Variants in APBB2 observed in about 807,000 individuals in gnomAD.
APBB2 encodes Fe65-like 1.
APBB2 carries 38 observed loss-of-function variants against 82.5 expected under a neutral mutation model. The observed-to-expected ratio is 0.46, with a 90% CI of 0.36 to 0.60. The LOEUF is 0.60. APBB2 is among the 20% of genes least tolerant of loss of function. APBB2 has a pLI of 0.00. For synonymous variants in APBB2, 341 were observed against 368.2 expected (o/e 0.93, Z 0.85); for missense variants, 772 against 972.3 (o/e 0.79, Z 2.74).
chr4:41,195,454 C>T, intron 1 of APBB2, among the ~76,000 whole-genome samples: 17 of 150,928 alleles, frequency 1.1e-4, no homozygotes, highest in Non-Finnish European at 1.9e-4. Flanking sequence ...TTTCTTGCCA[C>T]TTCCACTGCT....
chr4:40,905,039 G>T (rs913736657), intron 10 of APBB2, among the ~76,000 whole-genome samples: 9 of 152,050 alleles, frequency 5.9e-5, no homozygotes, highest in African/African-American at 2.2e-4. Flanking sequence ...ATTTTTCAGA[G>T]CAAGACACAT....
intron 1 of APBB2, among the ~76,000 whole-genome samples, chr4:41,212,516 TC>T (rs1485681665): frequency 6.6e-6 from 1 of 152,162 alleles, no homozygotes; most frequent in East Asian, 1.9e-4. Context: ...TCACATTGGC[TC>T]CTTGAAGGTG....
chr4:40,826,043 A>G lies in APBB2; in HGVS notation c.1733-73T>C, dbSNP rs1048742948. 1 of 1,134,588 alleles carries G rather than the reference A, an allele frequency of 8.8e-7. No individual in the cohort carries two copies. The highest frequency in any genetic ancestry group is 1.3e-6 in the Non-Finnish European group (1 of 743,214). The allele number at this position is 1,134,588 out of a possible 1,614,324, so 70.3% of individuals were successfully genotyped here. ...ATGTACACAACAGCCGTGGCTCTGC[A>G]TCATCTGAATGCTCAGGACACGCCC... On this transcript the variant is annotated intron_variant, in intron 14 of 17. Transcript: ENST00000508593. The surrounding 1 kb of genome is among the most constrained non-coding windows in gnomAD (Gnocchi z 4.5).
chr4:41,119,620 A>G (rs1379127549), intron 2 of APBB2, among the ~76,000 whole-genome samples: 1 of 151,952 alleles, frequency 6.6e-6, no homozygotes, highest in African/African-American at 2.4e-5. Context: ...CAGAACTTCA[A>G]GCGTCTGTCT....
At chr4:41,004,107 C>T (rs1464583473) in intron 6 of APBB2, among the ~76,000 whole-genome samples, 1 of 151,554 alleles carries the variant, frequency 6.6e-6, no homozygotes, top group East Asian at 1.9e-4. Context: ...TCAGTAGACA[C>T]AGGGTTTCAC....
intron 12 of APBB2, chr4:40,848,980 G>C (rs1247332385): frequency 2.3e-6 from 2 of 854,512 alleles, no homozygotes; most frequent in East Asian, 2.4e-4. Flanking sequence ...CTTTCTGCCT[G>C]TTCACTTACC....
chr4:40,984,647 G>A (rs1388747228), intron 6 of APBB2, among the ~76,000 whole-genome samples: 2 of 152,156 alleles, frequency 1.3e-5, no homozygotes, highest in Non-Finnish European at 2.9e-5. Context: ...GAACCCTCAA[G>A]GAGTGGAGTA....
At position 41,158,354 on chromosome 4, in the gene APBB2, A is replaced by G. The variant is rs115647194; in HGVS notation, c.-416-15212T>C. Among the ~76,000 whole-genome samples the G allele has an allele frequency of 9.6e-3, 1,457 of 152,328 alleles. 33 individuals are homozygous for G. Among genetic ancestry groups the G allele is most frequent in the African/African-American group, 0.034 (1,402 of 41,572 alleles). On this transcript the variant is annotated intron_variant, in intron 1 of 17. Coordinates refer to ENST00000508593, the MANE Select transcript of APBB2 (RefSeq NM_004307.2). Reference sequence around the variant, plus strand: ...TCAGAAAAGGATTCCTATTTCTCTAAGAGTTTATGTCTAAGAGGCTATGCC... The same window carrying G: ...TCAGAAAAGGATTCCTATTTCTCTAGGAGTTTATGTCTAAGAGGCTATGCC...
intron 12 of APBB2, among the ~76,000 whole-genome samples, chr4:40,846,932 A>C (rs1250420536): frequency 6.6e-6 from 1 of 152,108 alleles, no homozygotes; most frequent in Non-Finnish European, 1.5e-5. Flanking sequence ...GTGCTATATC[A>C]CAGATTAAAA....
At chr4:41,162,490 C>T (rs970435910) in intron 1 of APBB2, among the ~76,000 whole-genome samples, 2 of 152,160 alleles carry the variant, frequency 1.3e-5, no homozygotes, top group African/African-American at 2.4e-5. Context: ...CTTAGACTCA[C>T]CCATATGCAT....
intron 4 of APBB2, among the ~76,000 whole-genome samples, chr4:41,057,080 A>G (rs995257739): frequency 1.3e-5 from 2 of 152,250 alleles, no homozygotes; most frequent in Admixed American, 1.3e-4. Flanking sequence ...ATGGAATCCC[A>G]TGGACTTAAG....
chr4:41,135,680 G>A (rs1295262881), intron 2 of APBB2, among the ~76,000 whole-genome samples: 1 of 151,988 alleles, frequency 6.6e-6, no homozygotes, highest in Non-Finnish European at 1.5e-5. Context: ...AGCTGTTAAA[G>A]AAAACCTATA....
chr4:40,922,666 A>G (rs1283164440), intron 10 of APBB2, among the ~76,000 whole-genome samples: 2 of 152,184 alleles, frequency 1.3e-5, no homozygotes, highest in Non-Finnish European at 2.9e-5. Context: ...GCTGGAGTGC[A>G]GTGGCGCAAT....
Position 40,907,374 on chromosome 4 carries a change from TA to T in APBB2, c.1255-13964del, listed in dbSNP as rs1560861659. On this transcript the variant is annotated intron_variant, in intron 10 of 17. Coordinates refer to ENST00000508593, the MANE Select transcript of APBB2 (RefSeq NM_004307.2). ...ATATATATATATATATATATATATATATATATTTTTTTTTTTTTTTTTTTTT... is the reference window on the plus strand; with the variant it reads ...ATATATATATATATATATATATATATTATATTTTTTTTTTTTTTTTTTTTT... Among the ~76,000 whole-genome samples the T allele has an allele frequency of 8.0e-3, 265 of 33,068 alleles. No individual in the cohort carries two copies. In the East Asian group the frequency reaches 0.086, roughly 11 times the overall value. 21.7% of individuals were successfully genotyped at this position (33,068 alleles called of 152,430 possible). A position where few individuals can be genotyped will look rare whatever the true frequency, so the allele number is the denominator to read the frequency against.
chr4:41,113,130 T>C (rs909929866), intron 2 of APBB2, among the ~76,000 whole-genome samples: 1 of 152,202 alleles, frequency 6.6e-6, no homozygotes, highest in Non-Finnish European at 1.5e-5. Flanking sequence ...AGCAAGCATA[T>C]GCTGAGTTTA....
At chr4:40,902,697 G>GT (rs1259245942) in intron 10 of APBB2, among the ~76,000 whole-genome samples, 3 of 152,002 alleles carry the variant, frequency 2.0e-5, no homozygotes, top group South Asian at 2.1e-4. Context: ...CACCCTGCTA[G>GT]TTTTTTATTT....
intron 6 of APBB2, among the ~76,000 whole-genome samples, chr4:41,001,950 G>A (rs1312547643): frequency 6.6e-6 from 1 of 152,006 alleles, no homozygotes; most frequent in Non-Finnish European, 1.5e-5. Flanking sequence ...CACCTCTTAG[G>A]TACCAACACC....
At chr4:40,930,448 TGCGCGCGCGCGCGC>T (rs1174752964) in intron 10 of APBB2, among the ~76,000 whole-genome samples, 1 of 66,538 alleles carries the variant, frequency 1.5e-5, no homozygotes, top group Non-Finnish European at 3.0e-5. Flanking sequence ...TGTGTGTGTG[TGCGCGCGCGCGCGC>T]GCGCGTGCGC....
chr4:41,027,007 T>G (rs1322563168), intron 5 of APBB2, among the ~76,000 whole-genome samples: 1 of 152,156 alleles, frequency 6.6e-6, no homozygotes, highest in Non-Finnish European at 1.5e-5. Flanking sequence ...GGGGGAACCC[T>G]CATTCATCCT....
Sources: gnomAD v4.1 joint callset for allele counts (sites outside exome capture counted in the v4.1 genomes callset) on GRCh38, gnomAD v4.1.1 for gene constraint, Gnocchi (gnomAD v3.1) non-coding constraint, MANE v1.5 for transcripts, NCBI Gene and HGNC (gene_info 2026-07-23, HGNC 2026-07-21) for gene names.